CHL1: variants seen among roughly 807,000 people sequenced by gnomAD.
CHL1 encodes cell adhesion molecule L1 like, also known as neural cell adhesion molecule L1-like protein.
CHL1 carries 96 observed loss-of-function variants against 141.9 expected under a neutral mutation model. The observed-to-expected ratio is 0.68, with a 90% CI of 0.57 to 0.80. The LOEUF is 0.80. CHL1 is among the 30% of genes least tolerant of loss of function. The probability of loss-of-function intolerance (pLI) is 0.00; values close to 1 mark genes in which losing one functional copy is unlikely to be tolerated. For synonymous variants in CHL1, 613 were observed against 502.2 expected (o/e 1.22, Z -2.95); for missense variants, 1,820 against 1,457.2 (o/e 1.25, Z -4.05).
chr3:270,240 A>AG (rs397800458), intron 2 of CHL1, among the ~76,000 whole-genome samples: 1 of 152,054 alleles, frequency 6.6e-6, no homozygotes, highest in Non-Finnish European at 1.5e-5. Context: ...TTGGCAAAAA[A>AG]TAGTGTGGAA....
At chr3:315,718 C>G (rs1452387838) in intron 2 of CHL1, among the ~76,000 whole-genome samples, 1 of 152,074 alleles carries the variant, frequency 6.6e-6, no homozygotes, top group Non-Finnish European at 1.5e-5. Context: ...ACTAGTCGTA[C>G]TGGAGAACCT....
chr3:344,403 C>G (rs1291539394), intron 8 of CHL1, among the ~76,000 whole-genome samples, 186 bp from the exon 9 acceptor site: 3 of 151,090 alleles, frequency 2.0e-5, no homozygotes, highest in Non-Finnish European at 4.4e-5. Flanking sequence ...GAGGGACAAC[C>G]CATGCTTCAT....
intron 4 of CHL1, among the ~76,000 whole-genome samples, chr3:326,640 T>C (rs1412914273): frequency 6.6e-6 from 1 of 151,906 alleles, no homozygotes; most frequent in Non-Finnish European, 1.5e-5. Flanking sequence ...ATGAGCTTTT[T>C]CAAAATACCT....
Position 401,624 on chromosome 3 carries a change from A to G in CHL1, c.3386-2A>G. The G allele has an allele frequency of 6.4e-7, 1 of 1,568,094 alleles. No individual in the cohort carries two copies. The highest frequency in any genetic ancestry group is 1.1e-5 in the South Asian group (1 of 87,152). On this transcript the variant is annotated splice_acceptor_variant, in intron 26 of 27. Coordinates refer to ENST00000256509, the MANE Select transcript of CHL1 (RefSeq NM_006614.4). LOFTEE classifies it high-confidence loss of function. Reference sequence around the variant, plus strand: ...TTTTCCCACTTTTTTTCTCTTTTTTAGTTAAAGAAAAGGAAGATTTGCATC... The same window carrying G: ...TTTTCCCACTTTTTTTCTCTTTTTTGGTTAAAGAAAAGGAAGATTTGCATC...
At position 392,113 on chromosome 3, in the gene CHL1, G is replaced by C. The variant is rs189531032; in HGVS notation, c.2914+316G>C. On this transcript the variant is annotated intron_variant, in intron 23 of 27. Transcript: ENST00000256509. ...AGCCTACAAAGGCTAAATGTTTACC[G>C]TCTGGCCCTTTAATGAAAGGTTTGC... 2.6e-5 allele frequency among the ~76,000 whole-genome samples: 4 copies of C among 152,292 alleles called. No individual in the cohort carries two copies. The South Asian group carries it at 6.2e-4, about 24-fold the overall frequency.
chr3:206,984 C>G (rs976167625), intron 1 of CHL1, among the ~76,000 whole-genome samples: 2 of 152,210 alleles, frequency 1.3e-5, no homozygotes, highest in African/African-American at 4.8e-5. Flanking sequence ...TGCCATATCT[C>G]AGCATTGCTG....
At chr3:252,026 C>T (rs935605086) in intron 2 of CHL1, among the ~76,000 whole-genome samples, 1 of 151,846 alleles carries the variant, frequency 6.6e-6, no homozygotes, top group African/African-American at 2.4e-5. Flanking sequence ...AATAAACCAA[C>T]CATAAGGTTA....
intron 15 of CHL1, among the ~76,000 whole-genome samples, chr3:367,603 T>A (rs1244751392): frequency 1.3e-5 from 2 of 152,262 alleles, no homozygotes; most frequent in African/African-American, 2.4e-5. Context: ...TTTGCTTTTG[T>A]GATTTGTACT....
At chr3:301,530 G>A (rs1047344464) in intron 2 of CHL1, among the ~76,000 whole-genome samples, 1 of 152,158 alleles carries the variant, frequency 6.6e-6, no homozygotes, top group Non-Finnish European at 1.5e-5. Flanking sequence ...CTTAATGGTG[G>A]TGATTTTGGT....
intron 24 of CHL1, among the ~76,000 whole-genome samples, chr3:397,150 C>T (rs574887376): frequency 2.5e-4 from 38 of 152,022 alleles, no homozygotes; most frequent in Middle Eastern, 6.3e-3. Flanking sequence ...TTGAATAAAT[C>T]ACTTGCTTTA....
intron 26 of CHL1, among the ~76,000 whole-genome samples, chr3:400,298 C>T (rs1553607207): frequency 6.6e-6 from 1 of 152,152 alleles, no homozygotes; most frequent in Non-Finnish European, 1.5e-5. Flanking sequence ...TTATGCGTTT[C>T]ACTTTTTTCT....
chr3:292,063 AAC>A (rs1697741348), intron 2 of CHL1, among the ~76,000 whole-genome samples: 1 of 152,244 alleles, frequency 6.6e-6, no homozygotes, highest in African/African-American at 2.4e-5. Flanking sequence ...GAGTGTTAGA[AAC>A]CGCCTATTAT....
At chr3:252,168 G>T (rs558604247) in intron 2 of CHL1, among the ~76,000 whole-genome samples, 9 of 151,508 alleles carry the variant, frequency 5.9e-5, no homozygotes, top group Non-Finnish European at 1.2e-4. Flanking sequence ...ATCTAGAAAA[G>T]GGAAAACTAT....
chr3:385,380 C>T (rs1575249479), intron 19 of CHL1, among the ~76,000 whole-genome samples: 1 of 152,188 alleles, frequency 6.6e-6, no homozygotes, highest in South Asian at 2.1e-4. Context: ...TTAATGACCT[C>T]ACCCAGATGC....
At chr3:271,795 G>T (rs941072895) in intron 2 of CHL1, among the ~76,000 whole-genome samples, 3 of 152,182 alleles carry the variant, frequency 2.0e-5, no homozygotes, top group Non-Finnish European at 4.4e-5. Flanking sequence ...ATGAATGTGG[G>T]TAAGGATATT....
chr3:197,635 G>GT (rs200263016), intron 1 of CHL1: 2 of 368,858 alleles, frequency 5.4e-6, no homozygotes, highest in African/African-American at 2.1e-5. Flanking sequence ...CAGCCCGGGG[G>GT]GGGTTCCGAA....
At chr3:226,665 T>C (rs1701383408) in intron 1 of CHL1, among the ~76,000 whole-genome samples, 1 of 152,038 alleles carries the variant, frequency 6.6e-6, no homozygotes, top group Non-Finnish European at 1.5e-5. Flanking sequence ...CAGACTGTTC[T>C]TGAACTCCTG....
Position 202,383 on chromosome 3 carries a change from A to C in CHL1, c.-175+5320A>C, listed in dbSNP as rs75567956. Among the ~76,000 whole-genome samples the C allele has an allele frequency of 6.7e-3, 1,014 of 152,300 alleles. 6 individuals are homozygous for C. Among genetic ancestry groups the C allele is most frequent in the African/African-American group, 0.023 (941 of 41,562 alleles). On this transcript the variant is annotated intron_variant, in intron 1 of 27. Transcript: ENST00000256509. The stretch of plus-strand genomic sequence containing the variant: ...TGATCAATGGTGGTGTCAAATGGCA[A>C]ACTGTTGATTCCTACATTAATTATA...
At chr3:289,128 A>C (rs1443063047) in intron 2 of CHL1, among the ~76,000 whole-genome samples, 1 of 152,054 alleles carries the variant, frequency 6.6e-6, no homozygotes, top group Non-Finnish European at 1.5e-5. Flanking sequence ...ACTTTGCTTT[A>C]ATTTCTTAGT....
Sources: allele counts gnomAD v4.1 joint callset (sites outside exome capture counted in the v4.1 genomes callset), GRCh38; gene constraint gnomAD v4.1.1; transcripts MANE v1.5; gene names NCBI Gene and HGNC (gene_info 2026-07-23, HGNC 2026-07-21).